The following C2orf74 variants were observed in gnomAD, a reference collection of about 807,000 sequenced individuals.
The protein encoded by C2orf74 is uncharacterized protein C2orf74.
In C2orf74, 14 loss-of-function variants were observed where a neutral mutation model predicts 17.9. That is an observed-to-expected ratio of 0.78 (90% CI 0.52 to 1.22). The LOEUF (loss-of-function observed/expected upper bound fraction) is 1.22. C2orf74 is among the 50% of genes most tolerant of loss of function. C2orf74 has a pLI of 0.00. For synonymous variants in C2orf74, 79 were observed against 72.6 expected (o/e 1.09, Z -0.44); for missense variants, 217 against 218.4 (o/e 0.99, Z 0.04).
At chr2:61,154,108 G>A (rs140270050) in intron 1 of C2orf74, among the ~76,000 whole-genome samples, 37 of 150,828 alleles carry the variant, frequency 2.5e-4, no homozygotes, top group African/African-American at 7.8e-4. Flanking sequence ...GCGTGGTGGC[G>A]GATGCCTGTA....
chr2:61,161,599 T>G (rs1375134353), upstream of C2orf74: 1 of 152,252 alleles, frequency 6.6e-6, no homozygotes, highest in Admixed American at 6.5e-5. Context: ...TCATGGTGTG[T>G]AATCCTTTTA....
At chr2:61,150,257 G>A (rs1276989833) in intron 1 of C2orf74, among the ~76,000 whole-genome samples, 1 of 152,104 alleles carries the variant, frequency 6.6e-6, no homozygotes, top group African/African-American at 2.4e-5. Flanking sequence ...TGGGATGGAG[G>A]TGCACCTGGC....
intron 1 of C2orf74, among the ~76,000 whole-genome samples, chr2:61,145,634 G>A (rs1573699201): frequency 6.6e-6 from 1 of 152,124 alleles, no homozygotes; most frequent in Non-Finnish European, 1.5e-5. Context: ...TGTTGGCCAG[G>A]CTGGTCTCGA....
intron 1 of C2orf74, among the ~76,000 whole-genome samples, chr2:61,145,535 C>T (rs1231138623): frequency 6.6e-6 from 1 of 152,106 alleles, no homozygotes; most frequent in Admixed American, 6.6e-5. Flanking sequence ...GTGATTCTCC[C>T]ACCTCAGCCT....
At chr2:61,157,148 C>T (rs1685416349) in intron 1 of C2orf74, among the ~76,000 whole-genome samples, 1 of 152,208 alleles carries the variant, frequency 6.6e-6, no homozygotes, top group African/African-American at 2.4e-5. Context: ...TCAAGCGAGT[C>T]TCCTGCCTCA....
chr2:61,158,149 C>T (rs1685451821), upstream of C2orf74: 1 of 372,324 alleles, frequency 2.7e-6, no homozygotes, highest in Non-Finnish European at 5.4e-6. Flanking sequence ...TGGATAGTGC[C>T]TGAAATTCTA....
chr2:61,154,420 A>G (rs1453962062), intron 1 of C2orf74, among the ~76,000 whole-genome samples: 1 of 152,152 alleles, frequency 6.6e-6, no homozygotes, highest in Non-Finnish European at 1.5e-5. Context: ...AGTGTCCTGA[A>G]TGGGGTCCTG....
At chr2:61,150,885 G>C (rs1299976976) in intron 1 of C2orf74, among the ~76,000 whole-genome samples, 4 of 152,158 alleles carry the variant, frequency 2.6e-5, no homozygotes, top group Non-Finnish European at 5.9e-5. Context: ...TGTCTCCTGA[G>C]GTGTGCTGGC....
upstream of C2orf74, among the ~76,000 whole-genome samples, chr2:61,161,006 G>T (rs1474953951): frequency 6.6e-6 from 1 of 152,168 alleles, no homozygotes; most frequent in African/African-American, 2.4e-5. Context: ...TACAGTGACT[G>T]TACCATTTTA....
intron 1 of C2orf74, chr2:61,145,223 T>C (rs1685032844): frequency 6.6e-6 from 1 of 152,322 alleles, no homozygotes. Flanking sequence ...ACAGGAGTTT[T>C]AGCGTCATCT....
At position 61,163,464 on chromosome 2, in the gene C2orf74, C is replaced by T. The variant is rs746825700; in HGVS notation, c.390+232C>T. Among the ~76,000 whole-genome samples, 49 of 151,716 alleles carry T rather than the reference C, an allele frequency of 3.2e-4. 1 individual carries two copies. The highest frequency in any genetic ancestry group is 1.0e-3 in the African/African-American group (43 of 41,416). ...ACTAAAAATACAAAAATTAGCTGGG[C>T]GTGGTGGCACCCGCCTGTAATCCCA... On this transcript the variant is annotated intron_variant, in intron 4 of 4. Transcript: ENST00000432605.
intron 1 of C2orf74, among the ~76,000 whole-genome samples, chr2:61,152,693 A>G (rs1349063580): frequency 1.3e-5 from 2 of 151,486 alleles, no homozygotes; most frequent in Non-Finnish European, 2.9e-5. Context: ...TACTAAAAAT[A>G]CAAAATTAGC....
rs1384029098 is a variant in C2orf74, at chr2:61,162,587, T to C, written c.73T>C (p.Leu25=). ...TTGCCTCATTTGCATCCTCCTCTTA[T>C]TGGTGGTTTTTTTATATAAATGGTA... ...LICLICILLL[L]VVFLYKCFQG... Residue 25 remains leucine (L), a synonymous_variant, in exon 2 of 5, where the codon TTG becomes CTG. Coordinates refer to ENST00000432605, the MANE Select transcript of C2orf74 (RefSeq NM_001143959.4). 1.3e-6 allele frequency: 2 copies of C among 1,548,210 alleles called. No homozygotes were observed. The highest frequency in any genetic ancestry group is 1.7e-6 in the Non-Finnish European group (2 of 1,144,000).
intron 1 of C2orf74, among the ~76,000 whole-genome samples, chr2:61,149,456 T>C (rs1361825157): frequency 6.6e-6 from 1 of 152,088 alleles, no homozygotes; most frequent in African/African-American, 2.4e-5. Context: ...TTTTGGCCCT[T>C]CTCTGTATCT....
chr2:61,146,847 A>C (rs967604288), intron 1 of C2orf74, among the ~76,000 whole-genome samples: 16 of 151,568 alleles, frequency 1.1e-4, no homozygotes, highest in African/African-American at 3.6e-4. Context: ...CAAAAAAAAA[A>C]ACAAAAAACA....
chr2:61,152,749 G>A (rs1324584998), intron 1 of C2orf74, among the ~76,000 whole-genome samples: 1 of 150,006 alleles, frequency 6.7e-6, no homozygotes, highest in Non-Finnish European at 1.5e-5. Context: ...TCGGTAGGCT[G>A]AGGCAGGAGA....
At chr2:61,148,217 G>C (rs943674134) in intron 1 of C2orf74, among the ~76,000 whole-genome samples, 1 of 147,818 alleles carries the variant, frequency 6.8e-6, no homozygotes, top group Non-Finnish European at 1.5e-5. Context: ...ATGGAGTTTC[G>C]CTCTTGTTGC....
At chr2:61,145,356 A>G (rs1471501916) in intron 1 of C2orf74, among the ~76,000 whole-genome samples, 1 of 152,224 alleles carries the variant, frequency 6.6e-6, no homozygotes, top group Non-Finnish European at 1.5e-5. Context: ...AAGTTCACAG[A>G]AAAATAGTAG....
chr2:61,148,539 T>C (rs572147484), intron 1 of C2orf74, among the ~76,000 whole-genome samples: 1 of 152,208 alleles, frequency 6.6e-6, no homozygotes, highest in Non-Finnish European at 1.5e-5. Context: ...GTTTTGGAAA[T>C]AGAGGATAGT....
Sources: allele counts gnomAD v4.1 joint callset (sites outside exome capture counted in the v4.1 genomes callset), GRCh38; gene constraint gnomAD v4.1.1; transcripts MANE v1.5; gene names NCBI Gene and HGNC (gene_info 2026-07-23, HGNC 2026-07-21).